SEC22A: variants seen among roughly 807,000 people sequenced by gnomAD.
SEC22A encodes vesicle-trafficking protein SEC22a.
Under a neutral mutation model 35.3 loss-of-function variants are expected in SEC22A, and 22 were observed. That is an observed-to-expected ratio of 0.62 (90% CI 0.45 to 0.89). The LOEUF (loss-of-function observed/expected upper bound fraction) is 0.89. SEC22A is among the 40% of genes least tolerant of loss of function. The pLI, the probability that SEC22A is intolerant of heterozygous loss-of-function variation, is 0.00. For missense variants in SEC22A, 354 were observed against 362.5 expected, an observed-to-expected ratio of 0.98 and a Z score of 0.19; for synonymous variants, 119 against 129.5, an observed-to-expected ratio of 0.92 and a Z score of 0.55.
intron 2 of SEC22A, among the ~76,000 whole-genome samples, chr3:123,216,814 G>A (rs1937034566): frequency 6.6e-6 from 1 of 152,134 alleles, no homozygotes; most frequent in South Asian, 2.1e-4. Flanking sequence ...TTAATGTTGA[G>A]CCCCTCTATT....
intron 6 of SEC22A, among the ~76,000 whole-genome samples, chr3:123,266,009 T>C (rs192546890): frequency 6.6e-5 from 10 of 152,346 alleles, no homozygotes. Context: ...ATGTTTCATG[T>C]TGAGTGAATT....
At chr3:123,258,323 T>C (rs1937791006) in intron 5 of SEC22A, among the ~76,000 whole-genome samples, 1 of 152,174 alleles carries the variant, frequency 6.6e-6, no homozygotes. Context: ...GTGGCATTTA[T>C]AGGTTATATT....
chr3:123,227,954 A>G (rs1364251614), intron 4 of SEC22A, among the ~76,000 whole-genome samples: 2 of 151,922 alleles, frequency 1.3e-5, no homozygotes, highest in Admixed American at 6.6e-5. Flanking sequence ...TCAGAAAAAA[A>G]AAAAAAAAAC....
intron 5 of SEC22A, among the ~76,000 whole-genome samples, chr3:123,257,049 G>A (rs964769791): frequency 2.0e-5 from 3 of 152,050 alleles, no homozygotes; most frequent in South Asian, 2.1e-4. Context: ...ATGAGCCACC[G>A]CCCTGGCTGG....
intron 4 of SEC22A, among the ~76,000 whole-genome samples, chr3:123,243,601 A>G (rs977657471): frequency 6.6e-6 from 1 of 152,086 alleles, no homozygotes; most frequent in African/African-American, 2.4e-5. Flanking sequence ...AATGCTTATT[A>G]CTTTCATATA....
intron 4 of SEC22A, among the ~76,000 whole-genome samples, chr3:123,243,538 C>T (rs1014234827): frequency 4.6e-5 from 7 of 152,130 alleles, no homozygotes; most frequent in African/African-American, 1.7e-4. Context: ...TCTAGACCAC[C>T]CTCCCCCTAC....
At chr3:123,219,214 C>T (rs1297687270) in intron 2 of SEC22A, among the ~76,000 whole-genome samples, 1 of 152,044 alleles carries the variant, frequency 6.6e-6, no homozygotes, top group Non-Finnish European at 1.5e-5. Flanking sequence ...GAAATAAGGC[C>T]AGTGGGTGGC....
intron 1 of SEC22A, 52 bp from the exon 2 acceptor site, chr3:123,209,147 A>T (rs949423781): frequency 7.1e-7 from 1 of 1,408,670 alleles, no homozygotes; most frequent in Non-Finnish European, 1.0e-6. Context: ...ACATATGCTT[A>T]TCAAGTTTGG....
At chr3:123,265,460 CCAGT>C (rs887389850) in intron 6 of SEC22A, among the ~76,000 whole-genome samples, 3 of 150,900 alleles carry the variant, frequency 2.0e-5, no homozygotes, top group Non-Finnish European at 4.4e-5. Flanking sequence ...AGGTTTTTTC[CCAGT>C]CAGTTTTTTT....
intron 5 of SEC22A, among the ~76,000 whole-genome samples, chr3:123,254,647 A>C (rs897131708): frequency 2.0e-5 from 3 of 152,120 alleles, no homozygotes; most frequent in African/African-American, 7.2e-5. Context: ...AAAACCAAAA[A>C]AGCCTCTTTA....
chr3:123,211,754 G>C (rs1162652841), intron 2 of SEC22A, among the ~76,000 whole-genome samples: 1 of 152,036 alleles, frequency 6.6e-6, no homozygotes, highest in Non-Finnish European at 1.5e-5. Context: ...CACTGCACCT[G>C]GCCCACTTTA....
rs957818505 is a variant in SEC22A at position 123,212,902 on chromosome 3, C to T, written c.182+3503C>T. Among the ~76,000 whole-genome samples the T allele has an allele frequency of 1.3e-5, 2 of 151,966 alleles. 1 individual carries two copies. Among genetic ancestry groups the T allele is most frequent in the Admixed American group, 1.3e-4 (2 of 15,258 alleles). ...TTGTGGCCAAAGCAAAGGGGGTAAT[C>T]CATAGGATTTAGTGTCCATTGGATA... On this transcript the variant is annotated intron_variant, in intron 2 of 6. Coordinates refer to ENST00000492595, the MANE Select transcript of SEC22A (RefSeq NM_012430.5).
intron 6 of SEC22A, among the ~76,000 whole-genome samples, chr3:123,269,910 G>A (rs1938120819): frequency 1.3e-5 from 2 of 149,652 alleles, no homozygotes; most frequent in African/African-American, 4.9e-5. Context: ...GGGATTACAG[G>A]TGTGAGCCAC....
intron 4 of SEC22A, among the ~76,000 whole-genome samples, chr3:123,238,480 G>A (rs926780885): frequency 3.3e-5 from 5 of 152,130 alleles, no homozygotes; most frequent in East Asian, 1.9e-4. Context: ...ACAGACGTGC[G>A]CCACCACGCC....
intron 6 of SEC22A, among the ~76,000 whole-genome samples, chr3:123,266,754 T>C (rs1427710561): frequency 7.3e-6 from 1 of 137,730 alleles, no homozygotes; most frequent in Admixed American, 7.0e-5. Context: ...ATGTGTATTC[T>C]GCTGTTATTG....
intron 4 of SEC22A, among the ~76,000 whole-genome samples, chr3:123,234,991 C>T (rs1436513008): frequency 6.6e-6 from 1 of 151,142 alleles, no homozygotes; most frequent in Non-Finnish European, 1.5e-5. Context: ...CCACTGCACT[C>T]CAGCCTGGGC....
chr3:123,222,893 T>C (rs529783779), intron 2 of SEC22A, among the ~76,000 whole-genome samples: 2 of 152,234 alleles, frequency 1.3e-5, no homozygotes, highest in Non-Finnish European at 2.9e-5. Context: ...CCTGATCCAA[T>C]CTTTACTATG....
chr3:123,271,201 T>A (rs1938151334), intron 6 of SEC22A, among the ~76,000 whole-genome samples: 1 of 152,212 alleles, frequency 6.6e-6, no homozygotes. Context: ...TGGGAATGCT[T>A]CTTAGTTGCC....
Position 123,236,615 on chromosome 3 carries a change from AG to A in SEC22A, c.542-9283del, listed in dbSNP as rs1206153148. ...GAATCATATTGTTCTCTAAAATTGG[AG>A]TGAGGTGATTCCACTGTGCTAATGC... On this transcript the variant is annotated intron_variant, in intron 4 of 6. Transcript: ENST00000492595. 1.6e-4 allele frequency among the ~76,000 whole-genome samples: 23 copies of A among 147,910 alleles called. No homozygotes were observed. The East Asian group carries it at 3.5e-3, about 22-fold the overall frequency.
Sources: gnomAD v4.1 joint callset for allele counts (sites outside exome capture counted in the v4.1 genomes callset) on GRCh38, gnomAD v4.1.1 for gene constraint, MANE v1.5 for transcripts, NCBI Gene and HGNC (gene_info 2026-07-23, HGNC 2026-07-21) for gene names.